Variants in ZNF821 observed in about 807,000 individuals in gnomAD.
The protein encoded by ZNF821 is zinc finger protein 821.
Under a neutral mutation model 44.3 loss-of-function variants are expected in ZNF821, and 16 were observed. The ratio of observed to expected loss-of-function variants is 0.36; its 90% CI spans 0.24 to 0.55. The LOEUF is 0.55. ZNF821 is among the 20% of genes least tolerant of loss of function. ZNF821 has a pLI of 0.86. For synonymous variants in ZNF821, 204 were observed against 197.6 expected, an observed-to-expected ratio of 1.03 and a Z score of -0.27; for missense variants, 436 against 547.6, an observed-to-expected ratio of 0.80 and a Z score of 2.03.
At chr16:71,864,076 T>A (rs2034247565) in intron 6 of ZNF821, 62 bp downstream of exon 6, 2 of 1,449,476 alleles carry the variant, frequency 1.4e-6, no homozygotes, top group East Asian at 4.5e-5. Context: ...CAAACCAGGA[T>A]CTGGGCTACA....
intron 6 of ZNF821, among the ~76,000 whole-genome samples, chr16:71,863,784 G>A (rs1371342429): frequency 2.0e-5 from 3 of 151,908 alleles, no homozygotes; most frequent in East Asian, 3.9e-4. Context: ...TGCGACCTCC[G>A]CCTACTGGGT....
Position 71,859,971 on chromosome 16 carries a change from G to A in ZNF821, c.*47C>T, listed in dbSNP as rs1182274701. The A allele has an allele frequency of 6.7e-7, 1 of 1,501,442 alleles. No homozygotes were observed. The highest frequency in any genetic ancestry group is 2.4e-5 in the East Asian group (1 of 42,240). The allele number at this position is 1,501,442 out of a possible 1,614,324, so 93.0% of individuals were successfully genotyped here. A position where few individuals can be genotyped will look rare whatever the true frequency, so the allele number is the denominator to read the frequency against. On this transcript the variant is annotated 3_prime_UTR_variant, in exon 8 of 8. Coordinates refer to ENST00000425432, the MANE Select transcript of ZNF821 (RefSeq NM_001201552.2). ...CTGGTCCTCGTGGCTGTGGGTGTGG[G>A]TGGGTGGGTAGGTAGGTGGGAAGGA... is the stretch of plus-strand genomic sequence containing the variant.
chr16:71,867,699 G>GTATA (rs904979577), intron 4 of ZNF821, among the ~76,000 whole-genome samples: 1 of 150,548 alleles, frequency 6.6e-6, no homozygotes, highest in African/African-American at 2.5e-5. Flanking sequence ...AAAAAAAAAA[G>GTATA]TATATATATA....
At chr16:71,891,279 T>G (rs2036883918) in intron 1 of ZNF821, 1 of 152,352 alleles carries the variant, frequency 6.6e-6, no homozygotes, top group African/African-American at 2.4e-5. Flanking sequence ...CAAAGAAATG[T>G]AATGTGTTAA....
At position 71,860,661 on chromosome 16, in the gene ZNF821, G is replaced by A; in HGVS notation, c.596C>T (p.Pro199Leu). 1.2e-6 allele frequency: 2 copies of A among 1,611,944 alleles called. No individual in the cohort carries two copies. Among genetic ancestry groups the A allele is most frequent in the South Asian group, 1.1e-5 (1 of 91,018 alleles). ...TAGGGATTCCATATTTAGTACTTCA[G>A]GAAGTTTCTCACTGGAAAGGAAACA... ...SHATFNSEKL[P>L]EVLNMESLPT... Residue 199 changes from proline to leucine, a missense_variant, in exon 8 of 8, where the codon CCT (proline) becomes CTT (leucine). Transcript: ENST00000425432. The surrounding 1 kb of genome is among the most constrained non-coding windows in gnomAD (Gnocchi z 7.3).
chr16:71,872,218 A>G (rs2035281278), intron 3 of ZNF821, among the ~76,000 whole-genome samples: 1 of 152,194 alleles, frequency 6.6e-6, no homozygotes, highest in Non-Finnish European at 1.5e-5. Context: ...AAGTTATTAG[A>G]AAGGTAAAGA....
rs556391043 is a variant in ZNF821, at chr16:71,860,920, A to G, written c.585-248T>C. On this transcript the variant is annotated intron_variant, in intron 7 of 7. Coordinates refer to ENST00000425432, the MANE Select transcript of ZNF821 (RefSeq NM_001201552.2). The surrounding 1 kb of genome is among the most constrained non-coding windows in gnomAD (Gnocchi z 7.3). ...GCCCAGGCTGGAGTACAATGGTGCA[A>G]TCTCAGCTCACTGCAACCTCCGCCT... Among the ~76,000 whole-genome samples, 564 of 151,326 alleles carry G rather than the reference A, an allele frequency of 3.7e-3. 8 individuals carry two copies. The highest frequency in any genetic ancestry group is 0.013 in the African/African-American group (547 of 41,174).
chr16:71,863,179 A>C (rs1022665781), intron 6 of ZNF821, among the ~76,000 whole-genome samples: 3 of 152,164 alleles, frequency 2.0e-5, no homozygotes, highest in Non-Finnish European at 2.9e-5. Flanking sequence ...TACAGGCGTG[A>C]GCCACTGCGC....
At chr16:71,894,856 A>C (rs996974727) in intron 1 of ZNF821, 3 of 1,531,868 alleles carry the variant, frequency 2.0e-6, no homozygotes, top group Non-Finnish European at 2.6e-6. Context: ...GTTAAAAACA[A>C]AGGTAACCAA....
intron 1 of ZNF821, chr16:71,883,695 G>C (rs903830098): frequency 6.6e-6 from 1 of 152,108 alleles, no homozygotes; most frequent in Admixed American, 6.6e-5. Context: ...CGCGCCCCGC[G>C]CCCGAGAGCG....
At chr16:71,865,859 G>C (rs1282586450) in intron 4 of ZNF821, among the ~76,000 whole-genome samples, 1 of 152,192 alleles carries the variant, frequency 6.6e-6, no homozygotes, top group East Asian at 1.9e-4. Flanking sequence ...AATTGAGTTT[G>C]TTTTAGTTTT....
In ZNF821 at chr16:71,860,644, C is replaced by A. The variant is rs778181908; in HGVS notation, c.613G>T (p.Glu205Ter). ...TCATTGTGGACTGTGGGTAGGGATTCCATATTTAGTACTTCAGGAAGTTTC... is the reference window on the plus strand; with the variant it reads ...TCATTGTGGACTGTGGGTAGGGATTACATATTTAGTACTTCAGGAAGTTTC... ...SEKLPEVLNMESLPTVHNEGP... is the reference protein window; with the variant it reads ...SEKLPEVLNM The change falls in exon 8 of 8, where the codon GAA (glutamate) becomes TAA (stop). Residue 205 changes from glutamate (E) to a stop codon, truncating the protein, a stop_gained. Coordinates refer to ENST00000425432, the MANE Select transcript of ZNF821 (RefSeq NM_001201552.2). LOFTEE classifies it high-confidence loss of function. The surrounding 1 kb of genome is among the most constrained non-coding windows in gnomAD (Gnocchi z 7.3). The A allele has an allele frequency of 6.2e-7, 1 of 1,613,666 alleles. No individual in the cohort carries two copies. Among genetic ancestry groups the A allele is most frequent in the Admixed American group, 1.7e-5 (1 of 59,992 alleles).
At chr16:71,877,152 A>C (rs2035910105) in intron 3 of ZNF821, among the ~76,000 whole-genome samples, 1 of 152,212 alleles carries the variant, frequency 6.6e-6, no homozygotes, top group African/African-American at 2.4e-5. Flanking sequence ...TAATGTATAA[A>C]ATGTCAAAAC....
In ZNF821 at chr16:71,863,987, T is replaced by C. The variant is rs1433357116; in HGVS notation, c.417+151A>G. On this transcript the variant is annotated intron_variant, in intron 6 of 7. Coordinates refer to ENST00000425432, the MANE Select transcript of ZNF821 (RefSeq NM_001201552.2). ...TGCTGGGATTACAGGCGTGAGCCAC[T>C]GCGCCCAGCCTCCCTAAGACGAATC... The C allele has an allele frequency of 8.6e-6, 6 of 700,498 alleles. No homozygotes were observed. The South Asian group carries it at 8.6e-5, about 10-fold the overall frequency. 43.4% of individuals were successfully genotyped at this position (700,498 alleles called of 1,614,324 possible).
upstream of ZNF821, among the ~76,000 whole-genome samples, chr16:71,889,670 T>C (rs1208830056): frequency 3.3e-5 from 5 of 151,320 alleles, no homozygotes; most frequent in Non-Finnish European, 5.9e-5. Context: ...TGAGACTCTG[T>C]CTCAAAAAAC....
intron 1 of ZNF821, among the ~76,000 whole-genome samples, chr16:71,892,136 C>T (rs1295542552): frequency 8.5e-6 from 1 of 117,438 alleles, no homozygotes; most frequent in Non-Finnish European, 1.6e-5. Context: ...TGAGATCGCG[C>T]CATTGCACTC....
intron 1 of ZNF821, chr16:71,894,830 C>T (rs1368849910): frequency 6.5e-7 from 1 of 1,533,836 alleles, no homozygotes; most frequent in East Asian, 2.4e-5. Context: ...GCTTAAGCAG[C>T]GATAATGGTT....
upstream of ZNF821, among the ~76,000 whole-genome samples, chr16:71,887,463 G>A (rs1471720774): frequency 2.6e-5 from 4 of 152,096 alleles, no homozygotes; most frequent in South Asian, 2.1e-4. Context: ...AGGTTTCACC[G>A]TGTTAGCCAG....
intron 1 of ZNF821, among the ~76,000 whole-genome samples, chr16:71,891,683 G>C (rs1439827859): frequency 6.6e-6 from 1 of 152,172 alleles, no homozygotes; most frequent in Non-Finnish European, 1.5e-5. Context: ...AAACCAGCCT[G>C]GCCAACATGG....
Sources: gnomAD v4.1 joint callset for allele counts (sites outside exome capture counted in the v4.1 genomes callset) on GRCh38, gnomAD v4.1.1 for gene constraint, Gnocchi (gnomAD v3.1) non-coding constraint, MANE v1.5 for transcripts, NCBI Gene and HGNC (gene_info 2026-07-23, HGNC 2026-07-21) for gene names.